The following CDH18 variants were observed in gnomAD, a reference collection of about 807,000 sequenced individuals.
CDH18 encodes the protein cadherin-18.
CDH18 carries 31 observed loss-of-function variants against 67.9 expected under a neutral mutation model. The observed-to-expected ratio is 0.46, with a 90% CI of 0.34 to 0.62. The LOEUF (loss-of-function observed/expected upper bound fraction) is 0.62. Among genes scored for constraint, CDH18 ranks in the 20% least tolerant of loss-of-function variants. CDH18 has a pLI of 0.01. For missense variants in CDH18, 890 were observed against 975.5 expected (o/e 0.91, Z 1.17); for synonymous variants, 362 against 347.2 (o/e 1.04, Z -0.48).
intron 2 of CDH18, among the ~76,000 whole-genome samples, chr5:19,929,741 TC>T (rs1793475006): frequency 6.6e-6 from 1 of 152,092 alleles, no homozygotes; most frequent in African/African-American, 2.4e-5. Context: ...AATGTAACCA[TC>T]TTAAGTTGAT....
chr5:19,951,449 C>A (rs1030505890), intron 2 of CDH18, among the ~76,000 whole-genome samples: 1 of 152,020 alleles, frequency 6.6e-6, no homozygotes, highest in Non-Finnish European at 1.5e-5. Context: ...TTGACAGTAT[C>A]TATTTGAAAT....
intron 2 of CDH18, among the ~76,000 whole-genome samples, chr5:20,123,436 C>CT (rs1350807609): frequency 2.0e-5 from 3 of 152,180 alleles, no homozygotes; most frequent in Non-Finnish European, 4.4e-5. Flanking sequence ...AATGTATAGT[C>CT]TGAGACCTTC....
At chr5:20,200,267 C>A (rs758064870) in intron 2 of CDH18, among the ~76,000 whole-genome samples, 7 of 152,086 alleles carry the variant, frequency 4.6e-5, no homozygotes, top group Admixed American at 6.5e-5. Context: ...TGATAGAACA[C>A]CCAGATTCAA....
At chr5:20,268,099 T>C (rs1270573696) in intron 1 of CDH18, among the ~76,000 whole-genome samples, 1 of 152,238 alleles carries the variant, frequency 6.6e-6, no homozygotes, top group African/African-American at 2.4e-5. Context: ...TGCCTCCAGT[T>C]GCACACATAT....
At chr5:20,397,833 T>G (rs1745409755) in intron 1 of CDH18, among the ~76,000 whole-genome samples, 1 of 152,214 alleles carries the variant, frequency 6.6e-6, no homozygotes, top group South Asian at 2.1e-4. Flanking sequence ...CTTAAAAATC[T>G]GTGCACATTT....
At chr5:20,042,497 A>AT (rs953629694) in intron 2 of CDH18, among the ~76,000 whole-genome samples, 4 of 152,162 alleles carry the variant, frequency 2.6e-5, no homozygotes, top group South Asian at 4.2e-4. Flanking sequence ...GTCAGGAGAC[A>AT]TTTTTTTTCA....
chr5:20,559,348 T>G (rs1321637141), intron 1 of CDH18, among the ~76,000 whole-genome samples: 1 of 152,032 alleles, frequency 6.6e-6, no homozygotes, highest in South Asian at 2.1e-4. Context: ...AAGCAGGTAG[T>G]ATGGGATCAC....
rs1453579957 is a variant in CDH18 at position 20,374,502 on chromosome 5, C to T, written c.-579-118997G>A. ...GGTTTGAATTTAATCTAAGGAATTC[C>T]CTAGTGTTTTACAAAATATTGTAAA... On this transcript the variant is annotated intron_variant, in intron 1 of 14. Transcript: ENST00000507958. Among the ~76,000 whole-genome samples, 5 of 152,136 alleles carry T rather than the reference C, an allele frequency of 3.3e-5. No individual in the cohort carries two copies. The East Asian group carries it at 7.7e-4, about 24-fold the overall frequency.
intron 3 of CDH18, among the ~76,000 whole-genome samples, chr5:19,822,456 G>T (rs1217901155): frequency 6.6e-6 from 1 of 152,240 alleles, no homozygotes; most frequent in East Asian, 1.9e-4. Context: ...ATTTCACGTA[G>T]GTTCTTTTCT....
intron 2 of CDH18, among the ~76,000 whole-genome samples, chr5:20,007,358 C>T (rs1176527409): frequency 6.6e-6 from 1 of 151,536 alleles, no homozygotes; most frequent in Non-Finnish European, 1.5e-5. Context: ...CAAGTAAATA[C>T]ATAAAGAATG....
At chr5:19,735,221 T>C (rs1410738124) in intron 4 of CDH18, among the ~76,000 whole-genome samples, 2 of 152,158 alleles carry the variant, frequency 1.3e-5, no homozygotes, top group African/African-American at 2.4e-5. Context: ...AAGTTCTTTA[T>C]GTCGCTGTCA....
intron 1 of CDH18, among the ~76,000 whole-genome samples, chr5:20,532,356 T>C (rs1756456672): frequency 6.6e-6 from 1 of 152,174 alleles, no homozygotes; most frequent in African/African-American, 2.4e-5. Context: ...GTGTTTACTT[T>C]GTTACAAATG....
At chr5:19,660,541 T>C (rs533177217) in intron 5 of CDH18, among the ~76,000 whole-genome samples, 1 of 152,288 alleles carries the variant, frequency 6.6e-6, no homozygotes, top group African/African-American at 2.4e-5. Flanking sequence ...ATTTACAGTT[T>C]CTTTTACTTG....
intron 1 of CDH18, among the ~76,000 whole-genome samples, chr5:20,451,093 G>A (rs1329684703): frequency 1.3e-5 from 2 of 152,140 alleles, no homozygotes; most frequent in African/African-American, 4.8e-5. Context: ...TGAGACTTGG[G>A]TGGGGACACA....
intron 2 of CDH18, among the ~76,000 whole-genome samples, chr5:20,135,114 T>C (rs936025487): frequency 1.3e-5 from 2 of 152,076 alleles, no homozygotes; most frequent in Non-Finnish European, 2.9e-5. Context: ...GCTGGTAAAA[T>C]AGCTGACCCT....
At chr5:20,508,404 G>C (rs1754798897) in intron 1 of CDH18, among the ~76,000 whole-genome samples, 1 of 142,248 alleles carries the variant, frequency 7.0e-6, no homozygotes, top group Admixed American at 7.3e-5. Flanking sequence ...ATAAGCTATA[G>C]TAGTATATTA....
At chr5:20,014,414 A>C (rs543514987) in intron 2 of CDH18, among the ~76,000 whole-genome samples, 1 of 152,178 alleles carries the variant, frequency 6.6e-6, no homozygotes, top group African/African-American at 2.4e-5. Flanking sequence ...GGAATGGGAA[A>C]GTCTTCCTAG....
Position 19,669,182 on chromosome 5 carries a change from CAATAT to C in CDH18, c.643+52160_643+52164del, listed in dbSNP as rs948868470. On this transcript the variant is annotated intron_variant, in intron 5 of 12. Transcript: ENST00000382275. ...ATATATCATATATATCATAATAATA[CAATAT>C]AATATAATATATGATGTAATATAAT... is the stretch of plus-strand genomic sequence containing the variant. 9.1e-3 allele frequency among the ~76,000 whole-genome samples: 1,306 copies of C among 143,090 alleles called. 8 individuals are homozygous for C. Among genetic ancestry groups the C allele is most frequent in the African/African-American group, 0.021 (807 of 38,684 alleles). The allele number at this position is 143,090 out of a possible 152,430, so 93.9% of individuals were successfully genotyped here.
chr5:19,663,346 T>G (rs1358261586), intron 5 of CDH18, among the ~76,000 whole-genome samples: 1 of 151,956 alleles, frequency 6.6e-6, no homozygotes, highest in Non-Finnish European at 1.5e-5. Flanking sequence ...TATTTGTACA[T>G]TTATATGAAC....
Sources: gnomAD v4.1 joint callset for allele counts (sites outside exome capture counted in the v4.1 genomes callset) on GRCh38, gnomAD v4.1.1 for gene constraint, MANE v1.5 for transcripts, NCBI Gene and HGNC (gene_info 2026-07-23, HGNC 2026-07-21) for gene names.